ANKRD60: variants seen among roughly 807,000 people sequenced by gnomAD.
ANKRD60 encodes ankyrin repeat domain-containing protein 60.
In ANKRD60, 24 loss-of-function variants were observed where a neutral mutation model predicts 21.3. The observed-to-expected ratio is 1.13, with a 90% CI of 0.82 to 1.59. The LOEUF (loss-of-function observed/expected upper bound fraction) is 1.59, where lower values mean the gene tolerates loss of function less well. ANKRD60 is among the 40% of genes most tolerant of loss of function. The probability of loss-of-function intolerance (pLI) is 0.00; values close to 1 mark genes in which losing one functional copy is unlikely to be tolerated. For synonymous variants in ANKRD60, 182 were observed against 199.4 expected, an observed-to-expected ratio of 0.91 and a Z score of 0.74; for missense variants, 490 against 466.7, an observed-to-expected ratio of 1.05 and a Z score of -0.46.
chr20:58,223,211 A>C, intron 1 of ANKRD60, 29 bp from the exon 2 acceptor site: 3 of 1,529,964 alleles, frequency 2.0e-6, no homozygotes, highest in Non-Finnish European at 2.6e-6. Flanking sequence ...TTTCTTTTAA[A>C]AAATTGGGTA....
Position 58,228,455 on chromosome 20 carries a change from C to G in ANKRD60, c.199G>C (p.Ala67Pro). 1 of 1,533,600 alleles carries G rather than the reference C, an allele frequency of 6.5e-7. No individual in the cohort carries two copies. The highest frequency in any genetic ancestry group is 2.0e-4 in the Middle Eastern group (1 of 5,026). The allele number at this position is 1,533,600 out of a possible 1,614,324, so 95.0% of individuals were successfully genotyped here. A position where few individuals can be genotyped will look rare whatever the true frequency, so the allele number is the denominator to read the frequency against. ...CGCTGGCTCCGGCCGCGGGCACAGG[C>G]CAGGGGCTGCGCGGGGAGGGCCCGC... The change falls in exon 1 of 4, where the codon GCC (alanine) becomes CCC (proline). Residue 67 changes from alanine to proline, a missense_variant. Ala to Pro is a conservative substitution (Grantham distance 27). Coordinates refer to ENST00000457363, the Ensembl canonical transcript of ANKRD60. This position sits in a 1 kb window ranked among gnomAD's most constrained non-coding sequence, Gnocchi z 5.3.
intron 3 of ANKRD60, 39 bp from the exon 4 acceptor site, chr20:58,218,844 GA>G (rs1411316254): frequency 6.7e-7 from 1 of 1,490,176 alleles, no homozygotes; most frequent in Non-Finnish European, 9.0e-7. Context: ...AAGACATGCG[GA>G]GGGGGAACAC....
chr20:58,223,277 A>G (rs1984300328), intron 1 of ANKRD60, 95 bp from the exon 2 acceptor site: 1 of 1,070,042 alleles, frequency 9.3e-7, no homozygotes, highest in Non-Finnish European at 1.3e-6. Flanking sequence ...CTTGAGTGCC[A>G]CAAAGATAAT....
chr20:58,223,704 G>T (rs1753003590), intron 1 of ANKRD60, among the ~76,000 whole-genome samples: 2 of 152,334 alleles, frequency 1.3e-5, no homozygotes, highest in East Asian at 3.9e-4. Context: ...AGTTTAGACT[G>T]GGTAACTCCT....
chr20:58,216,450 C>G (rs566813942), downstream of ANKRD60, among the ~76,000 whole-genome samples: 7 of 152,350 alleles, frequency 4.6e-5, no homozygotes, highest in African/African-American at 1.2e-4. Context: ...AGTAATGCCA[C>G]TTGTTAAGTT....
chr20:58,220,522 A>AGAGT (rs1491070660), intron 3 of ANKRD60, among the ~76,000 whole-genome samples: 1 of 143,980 alleles, frequency 6.9e-6, no homozygotes, highest in Non-Finnish European at 1.5e-5. Context: ...AGAGAGAGAG[A>AGAGT]GTGGAAGGAG....
chr20:58,227,367 T>G (rs1173156482), intron 1 of ANKRD60, among the ~76,000 whole-genome samples: 5 of 151,948 alleles, frequency 3.3e-5, no homozygotes, highest in Admixed American at 6.6e-5. Context: ...AGGGTTTGTT[T>G]TGATTTGGCA....
In ANKRD60 at chr20:58,223,050, A is replaced by C. The variant is rs746600804; in HGVS notation, c.561+2T>G. On this transcript the variant is annotated splice_donor_variant, in intron 2 of 3. Transcript: ENST00000457363. LOFTEE classifies it high-confidence loss of function. The stretch of plus-strand genomic sequence containing the variant: ...TATCCATTTAAAGAAGCTTGAAAAC[A>C]CCTTGCTGGGATCCCCTTCCACAGC... 3.7e-5 allele frequency: 57 copies of C among 1,544,764 alleles called. No homozygotes were observed. Among genetic ancestry groups the C allele is most frequent in the Non-Finnish European group, 4.7e-5 (54 of 1,145,042 alleles).
exon 2 of ANKRD60, chr20:58,223,057 T>C: frequency 6.5e-7 from 1 of 1,547,646 alleles, no homozygotes; most frequent in Non-Finnish European, 8.7e-7. Flanking sequence ...AACACCTTGC[T>C]GGGATCCCCT....
exon 4 of ANKRD60, chr20:58,218,670 G>A: frequency 1.9e-6 from 3 of 1,551,746 alleles, no homozygotes; most frequent in Non-Finnish European, 2.6e-6. Flanking sequence ...GGAGATGGGG[G>A]TCTCCCCCTT....
chr20:58,225,245 A>G (rs187587181), intron 1 of ANKRD60, among the ~76,000 whole-genome samples: 155 of 152,310 alleles, frequency 1.0e-3, no homozygotes, highest in African/African-American at 3.5e-3. Context: ...ATAGCCCCGC[A>G]TAGCTCATCA....
At chr20:58,224,371 C>T (rs1984325336) in intron 1 of ANKRD60, among the ~76,000 whole-genome samples, 1 of 152,158 alleles carries the variant, frequency 6.6e-6, no homozygotes, top group Non-Finnish European at 1.5e-5. Context: ...TGCTTATGTA[C>T]TAGGTACTTA....
rs1038130437 is a variant in ANKRD60, at chr20:58,226,088, G to A, written c.430+2136C>T. Among the ~76,000 whole-genome samples, 33 of 152,178 alleles carry A rather than the reference G, an allele frequency of 2.2e-4. 1 individual carries two copies. The highest frequency in any genetic ancestry group is 7.0e-4 in the African/African-American group (29 of 41,430). On this transcript the variant is annotated intron_variant, in intron 1 of 3. Coordinates refer to ENST00000457363, the Ensembl canonical transcript of ANKRD60. ...CCAGCTGGGCTAGCTTTGAGCTCCC[G>A]ATGTGAACAAGGACACAGCTTGGAA...
At chr20:58,218,562 A>G in exon 4 of ANKRD60, 2 of 1,551,710 alleles carry the variant, frequency 1.3e-6, no homozygotes, top group African/African-American at 1.4e-5. Flanking sequence ...AGCATTCTTC[A>G]TGACCAAGTC....
At position 58,228,584 on chromosome 20, in the gene ANKRD60, GCCCCGCCGCCCGCGCTCCGCCCGC is replaced by G. The variant is rs1984421460; in HGVS notation, c.46_69del (p.Ala16_Gly23del). 8.7e-7 allele frequency: 1 copy of G among 1,154,654 alleles called. No individual in the cohort carries two copies. The highest frequency in any genetic ancestry group is 1.1e-6 in the Non-Finnish European group (1 of 938,930). The allele number at this position is 1,154,654 out of a possible 1,614,324, so 71.5% of individuals were successfully genotyped here. ...TGCAGGCGAGAGGCGCCCCCAGTTG[GCCCCGCCGCCCGCGCTCCGCCCGC>G]CCCCGCCGCCGCCCGCCGCATCCCC... is the stretch of plus-strand genomic sequence containing the variant. On this transcript the variant is annotated inframe_deletion, in exon 1 of 4. Transcript: ENST00000457363. The surrounding 1 kb of genome is among the most constrained non-coding windows in gnomAD (Gnocchi z 5.3).
chr20:58,218,790 C>G, exon 4 of ANKRD60: 1 of 1,537,458 alleles, frequency 6.5e-7, no homozygotes, highest in South Asian at 1.2e-5. Flanking sequence ...GGGGGATCTG[C>G]TGAGGCAGCT....
rs1009849355 is a variant in ANKRD60, at chr20:58,228,456, C to A, written c.198G>T (p.Leu66=). 5 of 1,533,406 alleles carry A rather than the reference C, an allele frequency of 3.3e-6. No individual in the cohort carries two copies. Among genetic ancestry groups the A allele is most frequent in the Non-Finnish European group, 4.4e-6 (5 of 1,143,868 alleles). 95.0% of individuals were successfully genotyped at this position (1,533,406 alleles called of 1,614,324 possible). Residue 66 remains leucine (L), a synonymous_variant, in exon 1 of 4, where the codon CTG becomes CTT. Coordinates refer to ENST00000457363, the Ensembl canonical transcript of ANKRD60. The surrounding 1 kb of genome is among the most constrained non-coding windows in gnomAD (Gnocchi z 5.3). ...GCTGGCTCCGGCCGCGGGCACAGGC[C>A]AGGGGCTGCGCGGGGAGGGCCCGCG... is the stretch of plus-strand genomic sequence containing the variant.
At chr20:58,218,324 C>T (rs1253917642), downstream of ANKRD60, among the ~76,000 whole-genome samples, 1 of 152,222 alleles carries the variant, frequency 6.6e-6, no homozygotes, top group Non-Finnish European at 1.5e-5. Flanking sequence ...GGCTTACCTA[C>T]TGCCATCAAC....
downstream of ANKRD60, among the ~76,000 whole-genome samples, chr20:58,218,238 C>A (rs1327339340): frequency 6.6e-6 from 1 of 152,180 alleles, no homozygotes; most frequent in South Asian, 2.1e-4. Context: ...CTATTGGGTA[C>A]AATGTGCAAA....
Sources: allele counts gnomAD v4.1 joint callset (sites outside exome capture counted in the v4.1 genomes callset), GRCh38; gene constraint gnomAD v4.1.1; non-coding constraint Gnocchi (gnomAD v3.1); transcripts MANE v1.5; gene names NCBI Gene and HGNC (gene_info 2026-07-23, HGNC 2026-07-21).